CRY2: variants seen among roughly 807,000 people sequenced by gnomAD.
CRY2 encodes the protein cryptochrome circadian regulator 2.
In CRY2, 31 loss-of-function variants were observed where a neutral mutation model predicts 69.5. The observed-to-expected ratio is 0.45, with a 90% CI of 0.34 to 0.60. CRY2 has a LOEUF of 0.60. Among genes scored for constraint, CRY2 ranks in the 20% least tolerant of loss-of-function variants. The pLI, the probability that CRY2 is intolerant of heterozygous loss-of-function variation, is 0.02. For synonymous variants in CRY2, 303 were observed against 312.2 expected, an observed-to-expected ratio of 0.97 and a Z score of 0.31; for missense variants, 606 against 797.8, an observed-to-expected ratio of 0.76 and a Z score of 2.90.
chr11:45,855,952 T>C (rs755544149), intron 1 of CRY2, 30 bp from the exon 2 acceptor site: 36 of 1,554,742 alleles, frequency 2.3e-5, no homozygotes, highest in Middle Eastern at 1.7e-4. Context: ...CATGATGTTA[T>C]CACTAACAAG....
At chr11:45,853,312 T>C (rs2086212379) in intron 1 of CRY2, among the ~76,000 whole-genome samples, 1 of 152,236 alleles carries the variant, frequency 6.6e-6, no homozygotes, top group African/African-American at 2.4e-5. Context: ...ATTATCATTA[T>C]TTTTATTTAG....
intron 11 of CRY2, among the ~76,000 whole-genome samples, chr11:45,880,513 C>G (rs2086462988): frequency 6.6e-6 from 1 of 152,198 alleles, no homozygotes; most frequent in East Asian, 1.9e-4. Flanking sequence ...CAGCGGGCTT[C>G]TCTTCCAGCC....
chr11:45,858,961 A>G, intron 3 of CRY2, 88 bp downstream of exon 3: 5 of 1,510,722 alleles, frequency 3.3e-6, no homozygotes, highest in Non-Finnish European at 4.5e-6. Context: ...GAGGTTCAGC[A>G]TTAGGGCTAC....
At chr11:45,855,474 C>G (rs1001162495) in intron 1 of CRY2, among the ~76,000 whole-genome samples, 2 of 152,150 alleles carry the variant, frequency 1.3e-5, no homozygotes, top group African/African-American at 4.8e-5. Context: ...ATTGCACTGG[C>G]TTTTCAGATG....
intron 11 of CRY2, among the ~76,000 whole-genome samples, chr11:45,878,650 C>T (rs1042972154): frequency 1.3e-5 from 2 of 152,128 alleles, no homozygotes; most frequent in African/African-American, 2.4e-5. Context: ...CAGCCAGGTG[C>T]GGTGGCTTAC....
chr11:45,860,971 C>G lies in CRY2; in HGVS notation c.591C>G (p.Cys197Trp). The G allele has an allele frequency of 6.2e-7, 1 of 1,614,074 alleles. No individual in the cohort carries two copies. Among genetic ancestry groups the G allele is most frequent in the Non-Finnish European group, 8.5e-7 (1 of 1,180,050 alleles). ...GLVTSQQMESCRAEIQENHDE... is the reference protein window; with the variant it reads ...GLVTSQQMESWRAEIQENHDE... Reference sequence around the variant, plus strand: ...TGACCAGCCAGCAGATGGAGAGCTGCAGGGCCGAGATCCAGGAGAACCACG... The same window carrying G: ...TGACCAGCCAGCAGATGGAGAGCTGGAGGGCCGAGATCCAGGAGAACCACG... The change falls in exon 4 of 12, where the codon TGC becomes TGG. Residue 197 changes from cysteine to tryptophan, a missense_variant. Coordinates refer to ENST00000616080, the MANE Select transcript of CRY2 (RefSeq NM_021117.5).
At chr11:45,863,205 C>T (rs2086301716) in intron 5 of CRY2, among the ~76,000 whole-genome samples, 1 of 152,208 alleles carries the variant, frequency 6.6e-6, no homozygotes, top group African/African-American at 2.4e-5. Flanking sequence ...TCAAAAGGTT[C>T]ACCTAGAGAT....
chr11:45,876,620 G>T lies in CRY2; in HGVS notation c.*3-4294G>T, dbSNP rs2086426669. ...GGTACAGACTGATCTGTGGAGAGAA[G>T]CCCCACTGAATACAAAAGGTTCCCG... is the stretch of plus-strand genomic sequence containing the variant. On this transcript the variant is annotated intron_variant, in intron 11 of 11. Transcript: ENST00000616080. Among the ~76,000 whole-genome samples, 3 of 152,128 alleles carry T rather than the reference G, an allele frequency of 2.0e-5. No homozygotes were observed. The South Asian group carries it at 6.2e-4, about 32-fold the overall frequency.
rs886890609 is a variant in CRY2, at chr11:45,870,649, A to T, written c.1549+117A>T. 68 of 1,314,960 alleles carry T rather than the reference A, an allele frequency of 5.2e-5. No homozygotes were observed. In the Middle Eastern group the frequency reaches 9.4e-4, roughly 18 times the overall value. 81.5% of individuals were successfully genotyped at this position (1,314,960 alleles called of 1,614,324 possible). The stretch of plus-strand genomic sequence containing the variant: ...AGACTGAGTGCTGTCTTTCAGGTTG[A>T]CACCTTCGCTGGGTATGGGACACTG... On this transcript the variant is annotated intron_variant, in intron 9 of 11. Coordinates refer to ENST00000616080, the MANE Select transcript of CRY2 (RefSeq NM_021117.5).
At chr11:45,877,568 T>TA (rs1487607474) in intron 11 of CRY2, among the ~76,000 whole-genome samples, 1 of 152,212 alleles carries the variant, frequency 6.6e-6, no homozygotes, top group African/African-American at 2.4e-5. Flanking sequence ...AGACAGTCGT[T>TA]AACGCTTTTT....
chr11:45,856,719 C>T (rs1410478464), intron 2 of CRY2, among the ~76,000 whole-genome samples: 1 of 151,866 alleles, frequency 6.6e-6, no homozygotes, highest in Non-Finnish European at 1.5e-5. Flanking sequence ...TGGTGTGAAC[C>T]CGGGAGGCGG....
intron 2 of CRY2, 134 bp from the exon 3 acceptor site, chr11:45,858,597 G>A (rs556999688): frequency 1.9e-5 from 19 of 1,001,400 alleles, no homozygotes; most frequent in Non-Finnish European, 2.7e-5. Context: ...TCAAATCCCT[G>A]TTCCTAGTTT....
In CRY2 at chr11:45,849,160, T is replaced by C. The variant is rs947097459; in HGVS notation, c.215+1455T>C. 2.0e-5 allele frequency among the ~76,000 whole-genome samples: 3 copies of C among 152,170 alleles called. No homozygotes were observed. The South Asian group carries it at 6.2e-4, about 31-fold the overall frequency. On this transcript the variant is annotated intron_variant, in intron 1 of 11. Coordinates refer to ENST00000616080, the MANE Select transcript of CRY2 (RefSeq NM_021117.5). ...CATAGTACTGCCTACTCTTTTTTGA[T>C]AGGGAAGATTAAAAATCAACAATAA...
chr11:45,865,949 G>A (rs73468324), intron 5 of CRY2, among the ~76,000 whole-genome samples: 3,480 of 152,320 alleles, frequency 0.023, 145 homozygotes, highest in African/African-American at 0.079. Context: ...GGCCAGTCAG[G>A]AGGCTGCCAC....
At chr11:45,878,834 G>T (rs573725566) in intron 11 of CRY2, among the ~76,000 whole-genome samples, 15 of 147,048 alleles carry the variant, frequency 1.0e-4, no homozygotes, top group Admixed American at 9.0e-4. Flanking sequence ...CAGGAGAATT[G>T]CTTGAACCCA....
At position 45,882,519 on chromosome 11, in the gene CRY2, G is replaced by T. The variant is rs993111409; in HGVS notation, c.*1608G>T. On this transcript the variant is annotated 3_prime_UTR_variant, in exon 12 of 12. Transcript: ENST00000616080. ...CTGTAGCTGTCCATCACACTGACAG[G>T]CTTCTTCCTGAGATATCCTCAGGTT... 2.8e-5 allele frequency: 11 copies of T among 398,272 alleles called. No homozygotes were observed. The highest frequency in any genetic ancestry group is 6.2e-4 in the Middle Eastern group (1 of 1,610). The allele number at this position is 398,272 out of a possible 1,614,324, so 24.7% of individuals were successfully genotyped here.
chr11:45,873,809 G>A (rs1014743134), intron 11 of CRY2, among the ~76,000 whole-genome samples: 5 of 152,186 alleles, frequency 3.3e-5, no homozygotes, highest in Admixed American at 6.5e-5. Context: ...AACAATCAGG[G>A]AACATATCAC....
At chr11:45,855,564 A>T (rs140836972) in intron 1 of CRY2, among the ~76,000 whole-genome samples, 170 of 152,294 alleles carry the variant, frequency 1.1e-3, no homozygotes, top group African/African-American at 3.9e-3. Context: ...GGAGTAAGTG[A>T]CTAGCCTCTG....
chr11:45,858,676 G>A, intron 2 of CRY2, 55 bp from the exon 3 acceptor site: 1 of 1,562,950 alleles, frequency 6.4e-7, no homozygotes, highest in Non-Finnish European at 8.7e-7. Flanking sequence ...TGAGAGTCCA[G>A]CTTCCCCCTC....
Sources: gnomAD v4.1 joint callset for allele counts (sites outside exome capture counted in the v4.1 genomes callset) on GRCh38, gnomAD v4.1.1 for gene constraint, MANE v1.5 for transcripts, NCBI Gene and HGNC (gene_info 2026-07-23, HGNC 2026-07-21) for gene names.